TRPM3: variants seen among roughly 807,000 people sequenced by gnomAD.
TRPM3 encodes transient receptor potential cation channel subfamily M member 3, also known as long transient receptor potential channel 3.
A neutral mutation model predicts 181.2 loss-of-function variants in TRPM3; 77 were observed. That is an observed-to-expected ratio of 0.42 (90% CI 0.35 to 0.51). The LOEUF (loss-of-function observed/expected upper bound fraction) is 0.51. Among genes scored for constraint, TRPM3 ranks in the 20% least tolerant of loss-of-function variants. The probability of loss-of-function intolerance (pLI) is 0.01; values close to 1 mark genes in which losing one functional copy is unlikely to be tolerated. For missense variants in TRPM3, 1,759 were observed against 2,196.7 expected, an observed-to-expected ratio of 0.80 and a Z score of 3.98; for synonymous variants, 745 against 796.4, an observed-to-expected ratio of 0.94 and a Z score of 1.09.
chr9:70,626,246 A>G (rs776886279), intron 12 of TRPM3, among the ~76,000 whole-genome samples: 11 of 152,170 alleles, frequency 7.2e-5, no homozygotes, highest in Non-Finnish European at 1.5e-4. Flanking sequence ...AGTTAGTTCC[A>G]TTTGTGAGAA....
intron 22 of TRPM3, among the ~76,000 whole-genome samples, chr9:70,558,776 G>T (rs1052646371): frequency 1.3e-5 from 2 of 152,128 alleles, no homozygotes; most frequent in African/African-American, 4.8e-5. Context: ...TGCAGGTACA[G>T]AATGGGAAGG....
intron 21 of TRPM3, among the ~76,000 whole-genome samples, chr9:70,598,018 A>G (rs1227323374): frequency 6.6e-6 from 1 of 152,062 alleles, no homozygotes; most frequent in Non-Finnish European, 1.5e-5. Flanking sequence ...TTTCTGACCT[A>G]TATTATCTTT....
At chr9:71,099,673 TAAGAA>T (rs1443872249) in intron 1 of TRPM3, among the ~76,000 whole-genome samples, 1 of 152,048 alleles carries the variant, frequency 6.6e-6, no homozygotes, top group Non-Finnish European at 1.5e-5. Flanking sequence ...GGATAGAAAA[TAAGAA>T]AATACAACTT....
At chr9:70,544,494 G>A (rs932944089) in intron 25 of TRPM3, among the ~76,000 whole-genome samples, 3 of 152,054 alleles carry the variant, frequency 2.0e-5, no homozygotes, top group African/African-American at 7.2e-5. Context: ...TACTTAGCTG[G>A]CTAATTAACC....
At chr9:71,188,810 T>C (rs2077838085) in intron 1 of TRPM3, among the ~76,000 whole-genome samples, 1 of 151,898 alleles carries the variant, frequency 6.6e-6, no homozygotes, top group Non-Finnish European at 1.5e-5. Context: ...TTTTTGTCCT[T>C]TAAAAGGAAG....
At chr9:71,144,375 A>C (rs1447911371) in intron 1 of TRPM3, among the ~76,000 whole-genome samples, 2 of 152,124 alleles carry the variant, frequency 1.3e-5, no homozygotes, top group Non-Finnish European at 2.9e-5. Flanking sequence ...AACCTGATCT[A>C]TCTCTGGTTC....
chr9:71,286,730 A>G (rs563448877), intron 1 of TRPM3, among the ~76,000 whole-genome samples: 2 of 151,910 alleles, frequency 1.3e-5, no homozygotes, highest in East Asian at 3.9e-4. Flanking sequence ...AGCCATTGTC[A>G]GCTTCTCGGA....
intron 6 of TRPM3, among the ~76,000 whole-genome samples, chr9:70,816,011 A>G (rs2092656605): frequency 6.6e-6 from 1 of 152,168 alleles, no homozygotes; most frequent in African/African-American, 2.4e-5. Flanking sequence ...AAGACAACAG[A>G]TACTCCTAGG....
chr9:71,203,244 A>G (rs4237247), intron 1 of TRPM3, among the ~76,000 whole-genome samples: 65,302 of 151,994 alleles, frequency 0.43, 14,420 homozygotes, highest in East Asian at 0.52. Context: ...GTCACCTTGG[A>G]CATGTTTATT....
intron 1 of TRPM3, among the ~76,000 whole-genome samples, chr9:71,274,341 A>T (rs2084027113): frequency 6.6e-6 from 1 of 152,244 alleles, no homozygotes; most frequent in South Asian, 2.1e-4. Flanking sequence ...ACTGGGTAAG[A>T]CTTAAGAGGC....
At chr9:71,418,862 A>G (rs1171925990) in intron 1 of TRPM3, among the ~76,000 whole-genome samples, 1 of 144,328 alleles carries the variant, frequency 6.9e-6, no homozygotes, top group Non-Finnish European at 1.5e-5. Context: ...CTTTGTATAT[A>G]TATGTATATA....
chr9:70,701,583 A>G (rs919916737), intron 8 of TRPM3, among the ~76,000 whole-genome samples: 2 of 146,956 alleles, frequency 1.4e-5, no homozygotes, highest in African/African-American at 2.4e-5. Context: ...TGATTCTTGC[A>G]TATATTCTGG....
intron 1 of TRPM3, among the ~76,000 whole-genome samples, chr9:71,085,810 T>C (rs1238252224): frequency 1.3e-5 from 2 of 152,026 alleles, no homozygotes; most frequent in Non-Finnish European, 2.9e-5. Flanking sequence ...GAACTTAAAA[T>C]AGGACTACCA....
intron 1 of TRPM3, among the ~76,000 whole-genome samples, chr9:71,184,519 G>A (rs1421641693): frequency 6.6e-6 from 1 of 152,044 alleles, no homozygotes; most frequent in Non-Finnish European, 1.5e-5. Context: ...GCTTCTCTCA[G>A]TATCTGTTAG....
At chr9:71,358,121 A>G (rs1265581105) in intron 1 of TRPM3, among the ~76,000 whole-genome samples, 1 of 152,182 alleles carries the variant, frequency 6.6e-6, no homozygotes, top group Non-Finnish European at 1.5e-5. Context: ...CAGTCATTTT[A>G]TCTTCAATAA....
chr9:71,202,273 G>T (rs1449781528), intron 1 of TRPM3, among the ~76,000 whole-genome samples: 4 of 151,298 alleles, frequency 2.6e-5, no homozygotes, highest in Admixed American at 2.6e-4. Context: ...CTGCTCGGGG[G>T]TCAGGGGTCA....
chr9:71,221,546 T>C (rs1319064601), intron 1 of TRPM3, among the ~76,000 whole-genome samples: 7 of 152,234 alleles, frequency 4.6e-5, no homozygotes, highest in African/African-American at 1.7e-4. Flanking sequence ...AGAAATCTGG[T>C]GTGTTTTTGG....
chr9:70,620,447 C>A, intron 15 of TRPM3, 82 bp from the exon 16 acceptor site: 1 of 1,452,712 alleles, frequency 6.9e-7, no homozygotes. Context: ...TATCTTCTCC[C>A]AGCTAGCTCT....
intron 3 of TRPM3, among the ~76,000 whole-genome samples, chr9:70,850,696 G>A (rs1378818913): frequency 6.6e-6 from 1 of 152,144 alleles, no homozygotes; most frequent in Non-Finnish European, 1.5e-5. Flanking sequence ...TAAAATTTGG[G>A]TGTTCTGCTG....
Sources: allele counts gnomAD v4.1 joint callset (sites outside exome capture counted in the v4.1 genomes callset), GRCh38; gene constraint gnomAD v4.1.1; transcripts MANE v1.5; gene names NCBI Gene and HGNC (gene_info 2026-07-23, HGNC 2026-07-21).